AOPEP: variants seen among roughly 807,000 people sequenced by gnomAD.
AOPEP encodes aminopeptidase O.
AOPEP carries 77 observed loss-of-function variants against 98.1 expected under a neutral mutation model. The ratio of observed to expected loss-of-function variants is 0.78; its 90% CI spans 0.65 to 0.95. The LOEUF (loss-of-function observed/expected upper bound fraction) is 0.95. Ranked by LOEUF, AOPEP falls within the 40% of genes least tolerant of loss-of-function variation. The pLI, the probability that AOPEP is intolerant of heterozygous loss-of-function variation, is 0.00. For synonymous variants in AOPEP, 346 were observed against 365.3 expected (o/e 0.95, Z 0.60); for missense variants, 1,024 against 1,024.7 (o/e 1.00, Z 0.01).
intron 5 of AOPEP, among the ~76,000 whole-genome samples, chr9:94,812,142 G>A (rs57771585): frequency 0.012 from 1,897 of 152,192 alleles, 33 homozygotes; most frequent in African/African-American, 0.038. Flanking sequence ...GGGAAAGGGT[G>A]CTTGTTCTTA....
intron 1 of AOPEP, among the ~76,000 whole-genome samples, chr9:94,754,050 A>G (rs1159839563): frequency 6.6e-6 from 1 of 152,224 alleles, no homozygotes; most frequent in East Asian, 1.9e-4. Context: ...GTTAAAAGAG[A>G]CAGATTTATA....
chr9:94,943,942 A>AC, intron 7 of AOPEP, among the ~76,000 whole-genome samples: 1 of 151,136 alleles, frequency 6.6e-6, no homozygotes, highest in Non-Finnish European at 1.5e-5. Flanking sequence ...AAAAAAAAAA[A>AC]AAAAACAGGT....
the AOPEP span, chr9:95,101,756 G>T: frequency 1.7e-5 from 27 of 1,614,144 alleles, no homozygotes; most frequent in Non-Finnish European, 2.3e-5. Flanking sequence ...CAGTTTTTCT[G>T]ATCTAGGGCT....
chr9:95,134,176 G>A, the AOPEP span, among the ~76,000 whole-genome samples: 1 of 152,180 alleles, frequency 6.6e-6, no homozygotes, highest in Admixed American at 6.5e-5. Flanking sequence ...AGGGTGAAAG[G>A]GGCCATGAAA....
At chr9:94,735,343 C>T (rs1226678470) in intron 1 of AOPEP, among the ~76,000 whole-genome samples, 6 of 152,168 alleles carry the variant, frequency 3.9e-5, no homozygotes, top group Admixed American at 6.5e-5. Flanking sequence ...GCCTCAGCCT[C>T]GCAAGTAGCT....
At chr9:94,862,638 G>A (rs911216697) in intron 5 of AOPEP, among the ~76,000 whole-genome samples, 13 of 152,186 alleles carry the variant, frequency 8.5e-5, no homozygotes, top group African/African-American at 2.4e-4. Context: ...AAGGGCCAGC[G>A]CCTCCCTGGA....
intron 7 of AOPEP, among the ~76,000 whole-genome samples, chr9:94,946,322 A>G (rs1043831563): frequency 7.9e-5 from 12 of 152,206 alleles, no homozygotes; most frequent in African/African-American, 2.7e-4. Context: ...GTCTCTTAAA[A>G]TTGTAGATAT....
intron 5 of AOPEP, among the ~76,000 whole-genome samples, chr9:94,842,341 A>T (rs2042367408): frequency 6.6e-6 from 1 of 152,206 alleles, no homozygotes; most frequent in Non-Finnish European, 1.5e-5. Context: ...AGCTTGGGGG[A>T]CAAAGCGAGA....
At chr9:95,041,481 G>GT (rs1554813290) in intron 13 of AOPEP, among the ~76,000 whole-genome samples, 2 of 150,280 alleles carry the variant, frequency 1.3e-5, no homozygotes, top group Non-Finnish European at 3.0e-5. Flanking sequence ...GTGTGTGTGT[G>GT]GAGAGGGAGA....
At chr9:95,076,354 A>AC (rs145501907) in intron 14 of AOPEP, among the ~76,000 whole-genome samples, 2,384 of 152,256 alleles carry the variant, frequency 0.016, 63 homozygotes, top group African/African-American at 0.054. Flanking sequence ...GCACACAGAT[A>AC]CCTCAGGGCA....
At chr9:94,770,392 T>C (rs1393445468) in intron 2 of AOPEP, among the ~76,000 whole-genome samples, 1 of 152,228 alleles carries the variant, frequency 6.6e-6, no homozygotes, top group Non-Finnish European at 1.5e-5. Flanking sequence ...CTCGGGAATC[T>C]AGGAGCAGCT....
intron 5 of AOPEP, among the ~76,000 whole-genome samples, chr9:94,805,813 G>T (rs531296949): frequency 6.6e-6 from 1 of 152,330 alleles, no homozygotes; most frequent in East Asian, 1.9e-4. Context: ...GGGTTAGACA[G>T]GGTGTTGTCC....
intron 5 of AOPEP, among the ~76,000 whole-genome samples, chr9:94,885,099 A>C (rs1413231314): frequency 1.3e-5 from 2 of 151,860 alleles, no homozygotes; most frequent in African/African-American, 4.8e-5. Flanking sequence ...CTGTAATCCC[A>C]GCACTTGGAG....
intron 5 of AOPEP, among the ~76,000 whole-genome samples, chr9:94,842,317 G>A (rs962479990): frequency 4.1e-4 from 62 of 152,068 alleles, no homozygotes; most frequent in African/African-American, 1.5e-3. Flanking sequence ...AGCCGAGATT[G>A]TGCCACTTAC....
At chr9:95,071,529 C>G (rs375490504) in intron 14 of AOPEP, among the ~76,000 whole-genome samples, 1 of 152,070 alleles carries the variant, frequency 6.6e-6, no homozygotes, top group Non-Finnish European at 1.5e-5. Context: ...AGGAGCCATA[C>G]GTGCTTTTCT....
rs1294833077 is a variant in AOPEP, at chr9:94,800,997, G to A, written c.1359G>A (p.Met453Ile). 1 of 1,614,102 alleles carries A rather than the reference G, an allele frequency of 6.2e-7. No homozygotes were observed. The highest frequency in any genetic ancestry group is 1.1e-5 in the South Asian group (1 of 91,082). The change falls in exon 5 of 17, where the codon ATG becomes ATA. Residue 453 changes from methionine to isoleucine, a missense_variant. Transcript: ENST00000375315. Reference sequence around the variant, plus strand: ...CTGCCAACTTTCCAAGTCTGGGGATGGCCAGGTATGTTGTTCCATTGTGGC... The same window carrying A: ...CTGCCAACTTTCCAAGTCTGGGGATAGCCAGGTATGTTGTTCCATTGTGGC... ...IVPANFPSLG[M>I]ASPHIMFLSQ...
intron 11 of AOPEP, among the ~76,000 whole-genome samples, chr9:94,989,061 G>A (rs542046533): frequency 1.4e-3 from 219 of 151,552 alleles, no homozygotes; most frequent in African/African-American, 5.1e-3. Context: ...GGGATTACAG[G>A]TGCACGACAC....
intron 7 of AOPEP, among the ~76,000 whole-genome samples, chr9:94,938,556 A>C (rs1305778444): frequency 2.0e-5 from 3 of 152,202 alleles, no homozygotes; most frequent in Non-Finnish European, 4.4e-5. Context: ...TCAAGGAGCA[A>C]AGCCTGGTAG....
At chr9:95,083,975 C>G (rs1373606016) in intron 16 of AOPEP, among the ~76,000 whole-genome samples, 1 of 152,154 alleles carries the variant, frequency 6.6e-6, no homozygotes, top group African/African-American at 2.4e-5. Flanking sequence ...TTAAAGCAAC[C>G]TAGCGGTAGT....
Sources: gnomAD v4.1 joint callset for allele counts (sites outside exome capture counted in the v4.1 genomes callset) on GRCh38, gnomAD v4.1.1 for gene constraint, MANE v1.5 for transcripts, NCBI Gene and HGNC (gene_info 2026-07-23, HGNC 2026-07-21) for gene names.